RPS6KC1: variants seen among roughly 807,000 people sequenced by gnomAD.
RPS6KC1 encodes the protein ribosomal protein S6 kinase C1, also known as inactive ribosomal protein S6 kinase delta-1.
In RPS6KC1, 54 loss-of-function variants were observed where a neutral mutation model predicts 103.8. The observed-to-expected ratio is 0.52, with a 90% CI of 0.42 to 0.65. The LOEUF (loss-of-function observed/expected upper bound fraction) is 0.65. Ranked by LOEUF, RPS6KC1 falls within the 30% of genes least tolerant of loss-of-function variation. The probability of loss-of-function intolerance (pLI) is 0.00; values close to 1 mark genes in which losing one functional copy is unlikely to be tolerated. For synonymous variants in RPS6KC1, 439 were observed against 438.7 expected (o/e 1.00, Z -0.01); for missense variants, 1,151 against 1,253.8 (o/e 0.92, Z 1.24).
At chr1:213,556,009 T>A in the RPS6KC1 span, among the ~76,000 whole-genome samples, 96,129 of 152,118 alleles carry the variant, frequency 0.63, 30,762 homozygotes, top group East Asian at 0.86. Context: ...CACTGCCTAG[T>A]ATTACATGAA....
chr1:213,107,126 G>A (rs1288574319), intron 4 of RPS6KC1, among the ~76,000 whole-genome samples: 1 of 151,988 alleles, frequency 6.6e-6, no homozygotes, highest in Non-Finnish European at 1.5e-5. Flanking sequence ...ATTTTTAGTA[G>A]AGACAGGGTT....
At chr1:213,137,307 GT>G (rs143550664) in intron 6 of RPS6KC1, among the ~76,000 whole-genome samples, 7,399 of 151,006 alleles carry the variant, frequency 0.049, 587 homozygotes, top group African/African-American at 0.17. Context: ...TATAAAGCCT[GT>G]TTTTTTTATT....
intron 6 of RPS6KC1, among the ~76,000 whole-genome samples, chr1:213,150,949 C>T (rs530959146): frequency 6.6e-6 from 1 of 151,122 alleles, no homozygotes; most frequent in East Asian, 2.0e-4. Context: ...GGGGGCTGAC[C>T]CCCCCACCTC....
the RPS6KC1 span, among the ~76,000 whole-genome samples, chr1:213,678,158 T>A: frequency 6.6e-6 from 1 of 152,202 alleles, no homozygotes; most frequent in Non-Finnish European, 1.5e-5. Context: ...TGTTATTAAT[T>A]TGGTGTTATT....
At chr1:213,680,979 C>T in the RPS6KC1 span, among the ~76,000 whole-genome samples, 8 of 152,186 alleles carry the variant, frequency 5.3e-5, no homozygotes, top group East Asian at 3.8e-4. Flanking sequence ...TGAAACTCAG[C>T]GGTGAGGCCC....
At chr1:213,063,872 G>A (rs2148382003) in intron 1 of RPS6KC1, among the ~76,000 whole-genome samples, 1 of 152,138 alleles carries the variant, frequency 6.6e-6, no homozygotes, top group African/African-American at 2.4e-5. Context: ...AACATGTTTT[G>A]TGAAGCACTG....
At chr1:213,075,493 A>C (rs1350144034) in intron 2 of RPS6KC1, among the ~76,000 whole-genome samples, 1 of 152,204 alleles carries the variant, frequency 6.6e-6, no homozygotes, top group Non-Finnish European at 1.5e-5. Context: ...TCTACAAGCT[A>C]ATAGATCCTG....
At chr1:213,364,906 C>T in the RPS6KC1 span, among the ~76,000 whole-genome samples, 53 of 152,030 alleles carry the variant, frequency 3.5e-4, no homozygotes, top group Non-Finnish European at 6.3e-4. Flanking sequence ...TGCAGTAAGC[C>T]GAGATCGCAC....
At chr1:213,482,769 G>A in the RPS6KC1 span, among the ~76,000 whole-genome samples, 507 of 151,774 alleles carry the variant, frequency 3.3e-3, 6 homozygotes, top group African/African-American at 0.011. Context: ...GGGTGGTCTC[G>A]ATCTCTTGAC....
chr1:213,610,398 G>A, the RPS6KC1 span, among the ~76,000 whole-genome samples: 1 of 152,192 alleles, frequency 6.6e-6, no homozygotes, highest in Non-Finnish European at 1.5e-5. Flanking sequence ...TTGCCTGAGA[G>A]CACTGAGACG....
rs566812832 is a variant in RPS6KC1 at position 213,196,829 on chromosome 1, A to G, written c.1044+20337A>G. ...TTATTTCTAAGTTCCATTGGTCTAC[A>G]TGCCTTTTTTTGTTTGTTTGTTTTG... On this transcript the variant is annotated intron_variant, in intron 8 of 14. Transcript: ENST00000366960. 1.6e-4 allele frequency among the ~76,000 whole-genome samples: 25 copies of G among 151,930 alleles called. No homozygotes were observed. The South Asian group carries it at 4.8e-3, about 29-fold the overall frequency.
the RPS6KC1 span, among the ~76,000 whole-genome samples, chr1:213,621,737 A>T: frequency 2.0e-5 from 3 of 152,286 alleles, no homozygotes; most frequent in East Asian, 1.9e-4. Context: ...TATTCCAAAA[A>T]TATAAGGTAT....
chr1:213,699,609 T>C, the RPS6KC1 span, among the ~76,000 whole-genome samples: 2 of 152,134 alleles, frequency 1.3e-5, no homozygotes, highest in African/African-American at 4.8e-5. Flanking sequence ...GTAGCTCTAT[T>C]TTTAGTTTTA....
chr1:213,646,628 G>A, the RPS6KC1 span, among the ~76,000 whole-genome samples: 2 of 152,056 alleles, frequency 1.3e-5, no homozygotes, highest in African/African-American at 4.8e-5. Context: ...AAGAAACACT[G>A]TGGGAGGCAA....
At chr1:213,449,817 G>A in the RPS6KC1 span, among the ~76,000 whole-genome samples, 176 of 152,320 alleles carry the variant, frequency 1.2e-3, no homozygotes, top group African/African-American at 4.0e-3. Context: ...CACCCGTGGT[G>A]ACGTTGCTGG....
At chr1:213,431,655 ATGTGTGTG>A in the RPS6KC1 span, among the ~76,000 whole-genome samples, 2 of 141,536 alleles carry the variant, frequency 1.4e-5, no homozygotes, top group African/African-American at 5.1e-5. Context: ...GTTTGTGTGT[ATGTGTGTG>A]TGTGTGTGTG....
At chr1:213,421,790 T>A in the RPS6KC1 span, among the ~76,000 whole-genome samples, 5 of 152,206 alleles carry the variant, frequency 3.3e-5, no homozygotes, top group African/African-American at 1.2e-4. Flanking sequence ...CATCCTGGCT[T>A]GCAGATAAAG....
At chr1:213,343,370 A>C in the RPS6KC1 span, among the ~76,000 whole-genome samples, 1,235 of 16,814 alleles carry the variant, frequency 0.073, 41 homozygotes, top group African/African-American at 0.093. Context: ...AGGAGCTTAA[A>C]CTTTTTTTTC....
the RPS6KC1 span, among the ~76,000 whole-genome samples, chr1:213,354,077 T>C: frequency 6.6e-6 from 1 of 152,232 alleles, no homozygotes; most frequent in Non-Finnish European, 1.5e-5. Flanking sequence ...GTCTAGCATA[T>C]GGGTTCTGAG....
Sources: gnomAD v4.1 joint callset for allele counts (sites outside exome capture counted in the v4.1 genomes callset) on GRCh38, gnomAD v4.1.1 for gene constraint, MANE v1.5 for transcripts, NCBI Gene and HGNC (gene_info 2026-07-23, HGNC 2026-07-21) for gene names.